Variants in PCDH15 observed in about 807,000 individuals in gnomAD.
PCDH15 encodes protocadherin related 15, also known as protocadherin-15.
Under a neutral mutation model 178.5 loss-of-function variants are expected in PCDH15, and 129 were observed. The observed-to-expected ratio is 0.72, with a 90% CI of 0.63 to 0.84. The LOEUF is 0.84. Among genes scored for constraint, PCDH15 ranks in the 40% least tolerant of loss-of-function variants. The probability of loss-of-function intolerance (pLI) is 0.00; values close to 1 mark genes in which losing one functional copy is unlikely to be tolerated. For synonymous variants in PCDH15, 800 were observed against 732.0 expected (o/e 1.09, Z -1.50); for missense variants, 2,230 against 2,099.9 (o/e 1.06, Z -1.21).
chr10:54,859,420 C>T (rs879591668), intron 3 of PCDH15, among the ~76,000 whole-genome samples: 10 of 151,958 alleles, frequency 6.6e-5, no homozygotes, highest in Non-Finnish European at 1.5e-4. Context: ...TATAGGACTT[C>T]GTTTTCTTTC....
In PCDH15 at chr10:53,802,884, C is replaced by T. The variant is rs1434890863; in HGVS notation, c.*3695G>A. On this transcript the variant is annotated 3_prime_UTR_variant, in exon 38 of 38. Transcript: ENST00000644397. ...TAACATAATATTTGTTAAGGAAGAACAGGTATTTGGATAAAGAAATTGGGA... is the reference window on the plus strand; with the variant it reads ...TAACATAATATTTGTTAAGGAAGAATAGGTATTTGGATAAAGAAATTGGGA... 1.3e-5 allele frequency: 2 copies of T among 151,712 alleles called. No individual in the cohort carries two copies. The highest frequency in any genetic ancestry group is 2.9e-5 in the Non-Finnish European group (2 of 67,812). The allele number at this position is 151,712 out of a possible 1,614,324, so 9.4% of individuals were successfully genotyped here. A position where few individuals can be genotyped will look rare whatever the true frequency, so the allele number is the denominator to read the frequency against.
At chr10:54,880,055 A>G (rs557158095) in intron 3 of PCDH15, among the ~76,000 whole-genome samples, 1 of 152,294 alleles carries the variant, frequency 6.6e-6, no homozygotes, top group African/African-American at 2.4e-5. Context: ...TATGTTTAGA[A>G]CAAATTAAAA....
rs1173892476 is a variant in PCDH15 at position 55,609,013 on chromosome 10, T to TAC, written c.-156+18611_-156+18612insGT. On this transcript the variant is annotated intron_variant, in intron 2 of 5. Transcript: ENST00000613346. Reference sequence around the variant, plus strand: ...GGACTATACATATATGTTATATATATATACACACACACACACACACACACA... The same window carrying TAC: ...GGACTATACATATATGTTATATATATACATACACACACACACACACACACACA... Among the ~76,000 whole-genome samples, 727 of 146,686 alleles carry TAC rather than the reference T, an allele frequency of 5.0e-3. 3 individuals carry two copies. Among genetic ancestry groups the TAC allele is most frequent in the Non-Finnish European group, 4.1e-3 (276 of 66,612 alleles).
intron 20 of PCDH15, among the ~76,000 whole-genome samples, chr10:54,018,068 T>C: frequency 6.6e-6 from 1 of 152,276 alleles, no homozygotes; most frequent in South Asian, 2.1e-4. Context: ...AGAAAAGTGA[T>C]GATTTCTTCT....
At chr10:54,110,836 G>T (rs1402604353) in intron 15 of PCDH15, among the ~76,000 whole-genome samples, 1 of 152,000 alleles carries the variant, frequency 6.6e-6, no homozygotes, top group African/African-American at 2.4e-5. Context: ...TGAATCTATG[G>T]TTTTTAAAAA....
At position 53,806,369 on chromosome 10, in the gene PCDH15, A is replaced by AGTAT. The variant is rs1344932250; in HGVS notation, c.*206_*209dup. On this transcript the variant is annotated 3_prime_UTR_variant, in exon 38 of 38. Coordinates refer to ENST00000644397, the MANE Select transcript of PCDH15 (RefSeq NM_001384140.1). ...TTTAAACGATAGGTTATTTAGTGAA[A>AGTAT]GTATGTCCAAAAGGATTTTCTGGGA... The AGTAT allele has an allele frequency of 9.8e-6, 5 of 508,734 alleles. No homozygotes were observed. Among genetic ancestry groups the AGTAT allele is most frequent in the Admixed American group, 3.6e-5 (1 of 27,966 alleles). The allele number at this position is 508,734 out of a possible 1,614,324, so 31.5% of individuals were successfully genotyped here. A position where few individuals can be genotyped will look rare whatever the true frequency, so the allele number is the denominator to read the frequency against.
intron 2 of PCDH15, among the ~76,000 whole-genome samples, chr10:55,461,841 C>T (rs1589048477): frequency 1.3e-5 from 2 of 151,970 alleles, no homozygotes; most frequent in East Asian, 3.9e-4. Context: ...CAGACAATGT[C>T]AAAAATATAA....
intron 18 of PCDH15, among the ~76,000 whole-genome samples, chr10:54,062,253 C>CAAAAAAAA (rs769054605): frequency 2.1e-4 from 16 of 75,838 alleles, no homozygotes; most frequent in South Asian, 4.7e-4. Flanking sequence ...AAAAAAAAAA[C>CAAAAAAAA]AAAAAACAAC....
intron 2 of PCDH15, among the ~76,000 whole-genome samples, chr10:55,326,278 G>A (rs964818981): frequency 1.3e-5 from 2 of 152,058 alleles, no homozygotes; most frequent in African/African-American, 4.8e-5. Flanking sequence ...AAAGACACAG[G>A]CACACATATG....
chr10:54,188,797 A>T (rs2048701949), intron 11 of PCDH15, among the ~76,000 whole-genome samples: 1 of 151,948 alleles, frequency 6.6e-6, no homozygotes, highest in Non-Finnish European at 1.5e-5. Context: ...ACAAACACAC[A>T]AGACCATATG....
chr10:54,291,709 C>A (rs183334622), intron 8 of PCDH15, among the ~76,000 whole-genome samples: 1 of 151,910 alleles, frequency 6.6e-6, no homozygotes, highest in Non-Finnish European at 1.5e-5. Flanking sequence ...GCAAATAAAC[C>A]GGAAAATCTA....
At chr10:54,777,717 A>G (rs1949856789) in intron 1 of PCDH15, among the ~76,000 whole-genome samples, 1 of 152,152 alleles carries the variant, frequency 6.6e-6, no homozygotes, top group South Asian at 2.1e-4. Context: ...TTACTTTTAA[A>G]TAATTTCTGT....
chr10:55,429,526 C>T (rs889425413), intron 2 of PCDH15, among the ~76,000 whole-genome samples: 2 of 152,020 alleles, frequency 1.3e-5, no homozygotes, highest in Non-Finnish European at 2.9e-5. Flanking sequence ...TATCTTTACA[C>T]TGGTTTTGAG....
At chr10:55,582,783 C>T (rs1842649752) in intron 2 of PCDH15, among the ~76,000 whole-genome samples, 1 of 151,200 alleles carries the variant, frequency 6.6e-6, no homozygotes, top group South Asian at 2.1e-4. Flanking sequence ...CAGCAGTTAT[C>T]CCAAAATGGT....
chr10:54,440,614 T>C (rs940547750), intron 3 of PCDH15, among the ~76,000 whole-genome samples: 22 of 152,076 alleles, frequency 1.4e-4, no homozygotes, highest in African/African-American at 5.1e-4. Flanking sequence ...TCTTGAACCA[T>C]ACATGTTTAT....
At chr10:55,214,700 C>A (rs982837579) in intron 1 of PCDH15, among the ~76,000 whole-genome samples, 5 of 151,912 alleles carry the variant, frequency 3.3e-5, no homozygotes, top group South Asian at 2.1e-4. Context: ...TGCTCTGGAA[C>A]TCCTGGGCTC....
intron 2 of PCDH15, among the ~76,000 whole-genome samples, chr10:54,592,260 A>T (rs2091933287): frequency 6.6e-6 from 1 of 152,020 alleles, no homozygotes; most frequent in Admixed American, 6.6e-5. Flanking sequence ...TTCCTTGAGC[A>T]CTTATTTTCT....
intron 20 of PCDH15, among the ~76,000 whole-genome samples, chr10:53,999,006 T>TCG (rs916375516): frequency 1.4e-5 from 2 of 141,160 alleles, no homozygotes; most frequent in Non-Finnish European, 3.0e-5. Context: ...TGAGCCGAGA[T>TCG]CGCGCCATTG....
intron 3 of PCDH15, among the ~76,000 whole-genome samples, chr10:54,475,108 AT>A (rs1216028613): frequency 6.6e-6 from 1 of 151,836 alleles, no homozygotes; most frequent in East Asian, 1.9e-4. Context: ...TTTATCATAC[AT>A]TTTTCCAAGT....
Sources: allele counts gnomAD v4.1 joint callset (sites outside exome capture counted in the v4.1 genomes callset), GRCh38; gene constraint gnomAD v4.1.1; transcripts MANE v1.5; gene names NCBI Gene and HGNC (gene_info 2026-07-23, HGNC 2026-07-21).